CLPB: variants seen among roughly 807,000 people sequenced by gnomAD.
The protein encoded by CLPB is ClpB family mitochondrial disaggregase.
CLPB carries 40 observed loss-of-function variants against 78.4 expected under a neutral mutation model. That is an observed-to-expected ratio of 0.51 (90% CI 0.40 to 0.66). CLPB has a LOEUF of 0.66. Ranked by LOEUF, CLPB falls within the 30% of genes least tolerant of loss-of-function variation. The probability of loss-of-function intolerance (pLI) is 0.00; values close to 1 mark genes in which losing one functional copy is unlikely to be tolerated. For synonymous variants in CLPB, 333 were observed against 348.0 expected, an observed-to-expected ratio of 0.96 and a Z score of 0.48; for missense variants, 780 against 886.9, an observed-to-expected ratio of 0.88 and a Z score of 1.53.
chr11:72,403,643 G>A (rs1216766196), intron 2 of CLPB, among the ~76,000 whole-genome samples: 1 of 152,100 alleles, frequency 6.6e-6, no homozygotes, highest in Non-Finnish European at 1.5e-5. Context: ...TCTGTACTGT[G>A]GTTGTTTGGA....
chr11:72,341,381 T>C (rs544577837), intron 5 of CLPB, among the ~76,000 whole-genome samples: 9 of 152,228 alleles, frequency 5.9e-5, no homozygotes, highest in African/African-American at 2.2e-4. Flanking sequence ...AAGGAGGAGA[T>C]TCATGTTAAG....
chr11:72,333,248 A>G (rs1950260583), intron 5 of CLPB, among the ~76,000 whole-genome samples: 1 of 152,200 alleles, frequency 6.6e-6, no homozygotes, highest in African/African-American at 2.4e-5. Flanking sequence ...CTTTCAGGAC[A>G]AAGTGCAACC....
intron 2 of CLPB, among the ~76,000 whole-genome samples, chr11:72,410,199 C>T (rs979926324): frequency 3.9e-4 from 60 of 152,246 alleles, no homozygotes; most frequent in African/African-American, 1.3e-3. Context: ...CACTGTACCC[C>T]AGCCTAGGCA....
intron 2 of CLPB, chr11:72,408,003 G>T: frequency 1.2e-6 from 1 of 837,786 alleles, no homozygotes; most frequent in Non-Finnish European, 1.9e-6. Flanking sequence ...GCTAAGCTTT[G>T]TCTCTTCATA....
intron 3 of CLPB, among the ~76,000 whole-genome samples, chr11:72,390,640 T>A (rs185453244): frequency 6.6e-6 from 1 of 152,288 alleles, no homozygotes; most frequent in East Asian, 1.9e-4. Context: ...AAATTCAACA[T>A]ATTCACAAAT....
intron 4 of CLPB, among the ~76,000 whole-genome samples, chr11:72,379,084 C>G (rs1044927454): frequency 6.6e-6 from 1 of 152,202 alleles, no homozygotes; most frequent in African/African-American, 2.4e-5. Context: ...ACACTCCTCT[C>G]ATGCCACTGA....
chr11:72,376,123 G>A (rs1265335767), intron 4 of CLPB, among the ~76,000 whole-genome samples: 1 of 152,088 alleles, frequency 6.6e-6, no homozygotes, highest in Non-Finnish European at 1.5e-5. Context: ...CGAAGGAAAG[G>A]GAATTACATC....
chr11:72,408,385 G>A lies in CLPB; in HGVS notation c.456-5333C>T, dbSNP rs535121215. Among the ~76,000 whole-genome samples the A allele has an allele frequency of 1.7e-3, 252 of 152,078 alleles. 1 individual carries two copies. The highest frequency in any genetic ancestry group is 4.2e-3 in the Admixed American group (64 of 15,264). ...GCACCTGGTAGATCAAGAAAGAACCGGGCTGGGTGCGGTGGCTCATGCCTG... is the reference window on the plus strand; with the variant it reads ...GCACCTGGTAGATCAAGAAAGAACCAGGCTGGGTGCGGTGGCTCATGCCTG... On this transcript the variant is annotated intron_variant, in intron 2 of 15. Transcript: ENST00000538039.
intron 3 of CLPB, among the ~76,000 whole-genome samples, chr11:72,385,576 A>C (rs561135144): frequency 6.6e-6 from 1 of 152,314 alleles, no homozygotes; most frequent in East Asian, 1.9e-4. Flanking sequence ...TAATCTCAGC[A>C]CTTTGGGAGG....
rs1314744638 is a variant in CLPB at position 72,289,782 on chromosome 11, G to A, written c.*3585C>T. ...TTGGAGGATGAGGTCTTGCTATGAT[G>A]CGCAGGCTGGTCTTGAACTCCTGGG... On this transcript the variant is annotated 3_prime_UTR_variant, in exon 16 of 16. Transcript: ENST00000538039. 1 of 152,110 alleles carries A rather than the reference G, an allele frequency of 6.6e-6. No individual in the cohort carries two copies. The highest frequency in any genetic ancestry group is 2.4e-5 in the African/African-American group (1 of 41,408). 9.4% of individuals were successfully genotyped at this position (152,110 alleles called of 1,614,324 possible).
chr11:72,352,795 T>C (rs1224402805), intron 5 of CLPB: 2 of 152,236 alleles, frequency 1.3e-5, no homozygotes, highest in Admixed American at 6.5e-5. Flanking sequence ...GCAGCAGAGA[T>C]GATCAGTAAG....
chr11:72,377,199 G>A (rs1453969518), intron 4 of CLPB, among the ~76,000 whole-genome samples: 1 of 152,148 alleles, frequency 6.6e-6, no homozygotes, highest in Non-Finnish European at 1.5e-5. Context: ...AAAGAATGAA[G>A]GTTGGTAGAA....
intron 2 of CLPB, among the ~76,000 whole-genome samples, chr11:72,429,373 A>G (rs1220477753): frequency 6.6e-6 from 1 of 152,216 alleles, no homozygotes; most frequent in South Asian, 2.1e-4. Context: ...TCAAAGCAGT[A>G]AGTCTTGGTG....
chr11:72,431,184 T>C (rs1856535628), intron 1 of CLPB, among the ~76,000 whole-genome samples: 1 of 152,172 alleles, frequency 6.6e-6, no homozygotes, highest in East Asian at 1.9e-4. Context: ...ATAAAGAAAA[T>C]TGGACTGACT....
chr11:72,300,884 A>T (rs928376246), intron 11 of CLPB, among the ~76,000 whole-genome samples: 1 of 152,180 alleles, frequency 6.6e-6, no homozygotes, highest in African/African-American at 2.4e-5. Flanking sequence ...AAAAGGTGGA[A>T]GTCATCTTCT....
chr11:72,434,016 G>A (rs1343452852), intron 1 of CLPB, 56 bp downstream of exon 1: 4 of 1,570,010 alleles, frequency 2.5e-6, no homozygotes, highest in Non-Finnish European at 3.5e-6. Flanking sequence ...CCTAAGATAC[G>A]AAGTTAGGAC....
intron 9 of CLPB, among the ~76,000 whole-genome samples, chr11:72,303,527 T>C (rs1320961535): frequency 2.0e-5 from 3 of 152,218 alleles, no homozygotes; most frequent in Admixed American, 2.0e-4. Context: ...CCTCCCCTTT[T>C]TGAGCTGCAG....
At chr11:72,345,562 G>A (rs1219384235) in intron 5 of CLPB, among the ~76,000 whole-genome samples, 1 of 152,222 alleles carries the variant, frequency 6.6e-6, no homozygotes, top group Non-Finnish European at 1.5e-5. Flanking sequence ...CTCACTGAGA[G>A]GGACAGAAGC....
In CLPB at chr11:72,286,742, G is replaced by A. The variant is rs1442338256; in HGVS notation, c.*6625C>T. The A allele has an allele frequency of 2.6e-5, 4 of 152,148 alleles. No individual in the cohort carries two copies. The highest frequency in any genetic ancestry group is 1.3e-4 in the Admixed American group (2 of 15,262). 9.4% of individuals were successfully genotyped at this position (152,148 alleles called of 1,614,324 possible). ...CCTGCCTGGGCCTCCCAAAGTGTTGGAATTACAGGTGTGAGCCACCATGCC... is the reference window on the plus strand; with the variant it reads ...CCTGCCTGGGCCTCCCAAAGTGTTGAAATTACAGGTGTGAGCCACCATGCC... On this transcript the variant is annotated 3_prime_UTR_variant, in exon 16 of 16. Transcript: ENST00000538039.
Sources: allele counts gnomAD v4.1 joint callset (sites outside exome capture counted in the v4.1 genomes callset), GRCh38; gene constraint gnomAD v4.1.1; transcripts MANE v1.5; gene names NCBI Gene and HGNC (gene_info 2026-07-23, HGNC 2026-07-21).